The following TEX11 variants were observed in gnomAD, a reference collection of about 807,000 sequenced individuals.
The protein encoded by TEX11 is testis expressed 11.
TEX11 carries 7 observed loss-of-function variants against 84.4 expected under a neutral mutation model. The ratio of observed to expected loss-of-function variants is 0.08; its 90% CI spans 0.05 to 0.16. The LOEUF (loss-of-function observed/expected upper bound fraction) is 0.16. Ranked by LOEUF, TEX11 falls within the 10% of genes least tolerant of loss-of-function variation. TEX11 has a pLI of 1.00. For missense variants in TEX11, 551 were observed against 660.5 expected (o/e 0.83, Z 1.82); for synonymous variants, 264 against 222.8 (o/e 1.18, Z -1.64).
At chrX:70,712,961 T>C (rs2090453474) in intron 13 of TEX11, among the ~76,000 whole-genome samples, 1 of 111,647 alleles carries the variant, frequency 9.0e-6, no homozygotes. Flanking sequence ...TTGAGATACA[T>C]CCCATCAATA....
chrX:70,902,835 A>G (rs1415193854), intron 2 of TEX11, among the ~76,000 whole-genome samples: 1 of 112,235 alleles, frequency 8.9e-6, no homozygotes, highest in Non-Finnish European at 1.9e-5. Flanking sequence ...TAACTTTTTA[A>G]CGCTTTTGTA....
intron 24 of TEX11, among the ~76,000 whole-genome samples, chrX:70,599,627 G>C (rs1286117301): frequency 1.9e-5 from 2 of 106,472 alleles, no homozygotes; most frequent in African/African-American, 6.9e-5. Flanking sequence ...CCACTAACTC[G>C]TCATCTAGCA....
chrX:70,869,106 A>ATAAAG (rs2091616930), intron 4 of TEX11, among the ~76,000 whole-genome samples: 1 of 101,969 alleles, frequency 9.8e-6, no homozygotes, highest in African/African-American at 3.7e-5. Context: ...ATAAAATAAA[A>ATAAAG]TAAAATAAAA....
chrX:70,621,520 C>CAA (rs1159445117), intron 20 of TEX11, among the ~76,000 whole-genome samples: 5 of 14,939 alleles, frequency 3.3e-4, no homozygotes, highest in African/African-American at 1.2e-3. Flanking sequence ...AACTCGGTCT[C>CAA]AAAAAAAAAA....
At chrX:70,566,968 C>T (rs889974869) in intron 25 of TEX11, among the ~76,000 whole-genome samples, 11 of 111,687 alleles carry the variant, frequency 9.8e-5, no homozygotes, top group African/African-American at 3.6e-4. Flanking sequence ...GGAATAGTTT[C>T]AGAAGGAATG....
intron 24 of TEX11, among the ~76,000 whole-genome samples, chrX:70,602,278 T>A (rs1328800702): frequency 9.0e-6 from 1 of 111,209 alleles, no homozygotes; most frequent in Non-Finnish European, 1.9e-5. Context: ...ATATCCTTGA[T>A]GAACATTGAT....
intron 24 of TEX11, among the ~76,000 whole-genome samples, chrX:70,601,194 C>A (rs146298497): frequency 0.43 from 24,440 of 56,644 alleles, 5,718 homozygotes; most frequent in East Asian, 0.66. Context: ...ATATCACCAC[C>A]GATCCCACAG....
At chrX:70,517,649 G>A in the TEX11 span, among the ~76,000 whole-genome samples, 4 of 111,629 alleles carry the variant, frequency 3.6e-5, no homozygotes, top group African/African-American at 9.8e-5. Flanking sequence ...AATGAGTTAC[G>A]GAGGATTCCT....
intron 9 of TEX11, among the ~76,000 whole-genome samples, chrX:70,791,823 G>A (rs2091119780): frequency 9.0e-6 from 1 of 111,361 alleles, no homozygotes; most frequent in African/African-American, 3.3e-5. Flanking sequence ...TAAGATACAC[G>A]ACATGCCAAA....
intron 8 of TEX11, among the ~76,000 whole-genome samples, chrX:70,826,815 T>C (rs1266368752): frequency 5.4e-5 from 6 of 111,177 alleles, no homozygotes; most frequent in African/African-American, 6.5e-5. Context: ...TCTGGGGTCC[T>C]ACATAAACTT....
chrX:70,649,876 G>GA (rs1008784038), intron 17 of TEX11, among the ~76,000 whole-genome samples: 5 of 111,210 alleles, frequency 4.5e-5, no homozygotes, highest in East Asian at 5.6e-4. Context: ...TCTCAGAGGT[G>GA]AAAAAAAACC....
chrX:70,813,979 A>G lies in TEX11; in HGVS notation c.607-7189T>C, dbSNP rs370972644. Among the ~76,000 whole-genome samples the G allele has an allele frequency of 1.6e-3, 184 of 112,147 alleles. 4 individuals are homozygous for G. The Middle Eastern group carries it at 0.042, about 25-fold the overall frequency. On this transcript the variant is annotated intron_variant, in intron 8 of 29. Coordinates refer to ENST00000374333, the MANE Select transcript of TEX11 (RefSeq NM_031276.3). ...ACAAACAAATGGAAGAACACATTCC[A>G]TGCTCATGGATAGGAATAATCAATA...
chrX:70,625,118 G>A (rs1325092), intron 18 of TEX11, among the ~76,000 whole-genome samples, 194 bp from the exon 19 acceptor site: 9,696 of 110,599 alleles, frequency 0.088, 927 homozygotes, highest in African/African-American at 0.28. Context: ...CATTAGCCCC[G>A]GAAACCGAAT....
intron 2 of TEX11, among the ~76,000 whole-genome samples, chrX:70,902,746 C>G (rs763023535): frequency 9.0e-6 from 1 of 110,965 alleles, no homozygotes; most frequent in East Asian, 2.8e-4. Flanking sequence ...CACCATGATA[C>G]CCAGGCCAGT....
intron 4 of TEX11, among the ~76,000 whole-genome samples, chrX:70,869,823 T>C (rs1306833785): frequency 9.0e-6 from 1 of 111,188 alleles, no homozygotes; most frequent in East Asian, 2.8e-4. Flanking sequence ...CTGGTCCTTG[T>C]GTGGGAAATA....
chrX:70,573,103 C>T (rs996868409), intron 25 of TEX11, among the ~76,000 whole-genome samples: 2 of 111,327 alleles, frequency 1.8e-5, no homozygotes, highest in South Asian at 7.6e-4. Context: ...ACTGACATTC[C>T]TAATTAGATC....
chrX:70,629,958 C>T (rs757680555), intron 17 of TEX11, among the ~76,000 whole-genome samples: 7 of 112,013 alleles, frequency 6.2e-5, no homozygotes, highest in Non-Finnish European at 1.1e-4. Flanking sequence ...ATTTATCTTA[C>T]GGATATATTT....
chrX:70,588,759 G>T (rs2088886828), intron 25 of TEX11, among the ~76,000 whole-genome samples: 1 of 110,794 alleles, frequency 9.0e-6, no homozygotes, highest in African/African-American at 3.3e-5. Context: ...GACAAATATT[G>T]TATGATTCAC....
chrX:70,846,203 T>C (rs1160201827), intron 7 of TEX11: 3 of 112,159 alleles, frequency 2.7e-5, no homozygotes, highest in Non-Finnish European at 3.7e-5. Flanking sequence ...GAGATAATGC[T>C]GCACCTCTTC....
Sources: gnomAD v4.1 joint callset for allele counts (sites outside exome capture counted in the v4.1 genomes callset) on GRCh38, gnomAD v4.1.1 for gene constraint, MANE v1.5 for transcripts, NCBI Gene and HGNC (gene_info 2026-07-23, HGNC 2026-07-21) for gene names.